The following PARD3B variants were observed in gnomAD, a reference collection of about 807,000 sequenced individuals.
The protein encoded by PARD3B is partitioning defective 3 homolog B.
A neutral mutation model predicts 130.2 loss-of-function variants in PARD3B; 103 were observed. That is an observed-to-expected ratio of 0.79 (90% CI 0.67 to 0.93). The LOEUF is 0.93. Among genes scored for constraint, PARD3B ranks in the 40% least tolerant of loss-of-function variants. The pLI, the probability that PARD3B is intolerant of heterozygous loss-of-function variation, is 0.00. For synonymous variants in PARD3B, 583 were observed against 553.2 expected, an observed-to-expected ratio of 1.05 and a Z score of -0.76; for missense variants, 1,609 against 1,499.2, an observed-to-expected ratio of 1.07 and a Z score of -1.21.
At chr2:204,891,276 T>A (rs576668156) in intron 2 of PARD3B, among the ~76,000 whole-genome samples, 1 of 151,938 alleles carries the variant, frequency 6.6e-6, no homozygotes, top group Admixed American at 6.6e-5. Context: ...AGCATTACGA[T>A]ACTGTGACAA....
At chr2:205,037,291 GTGGACTATTTGTATAAAATATATA>G (rs1367728875) in intron 3 of PARD3B, among the ~76,000 whole-genome samples, 1 of 127,100 alleles carries the variant, frequency 7.9e-6, no homozygotes, top group African/African-American at 3.0e-5. Context: ...TATATATATA[GTGGACTATTTGTATAAAATATATA>G]TAGTGGACTA....
At chr2:204,913,878 G>C (rs1183861554) in intron 2 of PARD3B, among the ~76,000 whole-genome samples, 1 of 152,216 alleles carries the variant, frequency 6.6e-6, no homozygotes, top group Non-Finnish European at 1.5e-5. Flanking sequence ...GGACAGAACT[G>C]TTAGGTGTTT....
intron 18 of PARD3B, among the ~76,000 whole-genome samples, chr2:205,383,193 ATG>A (rs779153298): frequency 9.4e-5 from 14 of 149,262 alleles, no homozygotes; most frequent in Non-Finnish European, 1.2e-4. Flanking sequence ...ATCTATCTGT[ATG>A]CACATTAAAA....
At chr2:205,238,411 G>A (rs1168586031) in intron 15 of PARD3B, among the ~76,000 whole-genome samples, 1 of 151,902 alleles carries the variant, frequency 6.6e-6, no homozygotes, top group African/African-American at 2.4e-5. Context: ...TTTGAGTCCA[G>A]CCAGGGCAAC....
chr2:204,820,569 C>T (rs1017814565), intron 2 of PARD3B, among the ~76,000 whole-genome samples: 2 of 151,560 alleles, frequency 1.3e-5, no homozygotes, highest in East Asian at 2.0e-4. Flanking sequence ...AATCCCAGCA[C>T]TTTGGGGGGC....
chr2:205,157,684 G>A (rs1279998760), intron 10 of PARD3B, among the ~76,000 whole-genome samples: 15 of 152,146 alleles, frequency 9.9e-5, no homozygotes, highest in Non-Finnish European at 1.8e-4. Context: ...TAAGATGGGA[G>A]TCTCTAGATA....
chr2:204,971,834 A>ATTTTTT (rs3038727), intron 3 of PARD3B, among the ~76,000 whole-genome samples: 1 of 131,220 alleles, frequency 7.6e-6, no homozygotes, highest in Non-Finnish European at 1.6e-5. Flanking sequence ...TTTTGTTTTA[A>ATTTTTT]TTTTTTTTTT....
intron 22 of PARD3B, among the ~76,000 whole-genome samples, chr2:205,613,574 T>C (rs1266502452): frequency 6.6e-6 from 1 of 152,242 alleles, no homozygotes; most frequent in Non-Finnish European, 1.5e-5. Flanking sequence ...CCATTTGTCA[T>C]GGGCGATTTA....
intron 4 of PARD3B, among the ~76,000 whole-genome samples, chr2:205,079,508 G>T (rs901791390): frequency 4.6e-5 from 7 of 152,090 alleles, no homozygotes; most frequent in African/African-American, 1.4e-4. Flanking sequence ...AAAAGGCTTC[G>T]CCAATTCCCT....
chr2:204,590,006 T>G (rs2033007426), intron 1 of PARD3B, among the ~76,000 whole-genome samples: 1 of 152,164 alleles, frequency 6.6e-6, no homozygotes. Context: ...ATTTCCCACA[T>G]ATGAAATGGG....
At chr2:205,435,842 T>A (rs1026421650) in intron 19 of PARD3B, among the ~76,000 whole-genome samples, 1 of 152,152 alleles carries the variant, frequency 6.6e-6, no homozygotes, top group Non-Finnish European at 1.5e-5. Flanking sequence ...AGATATTTAG[T>A]CTTAGTTTTA....
intron 18 of PARD3B, among the ~76,000 whole-genome samples, chr2:205,380,296 T>A (rs867493543): frequency 5.2e-5 from 1 of 19,230 alleles, no homozygotes; most frequent in South Asian, 1.7e-3. Context: ...AGAATATATA[T>A]TATATATTAT....
intron 18 of PARD3B, among the ~76,000 whole-genome samples, chr2:205,320,247 G>A (rs995405554): frequency 7.1e-6 from 1 of 141,532 alleles, no homozygotes; most frequent in African/African-American, 3.0e-5. Flanking sequence ...AAGGAATGAA[G>A]GAAGGAAGGA....
At chr2:204,987,857 T>A in intron 3 of PARD3B, among the ~76,000 whole-genome samples, 1 of 152,116 alleles carries the variant, frequency 6.6e-6, no homozygotes, top group Admixed American at 6.5e-5. Flanking sequence ...CATTAGCTTT[T>A]TGGGGGGAAT....
intron 15 of PARD3B, among the ~76,000 whole-genome samples, chr2:205,228,312 T>C (rs1043002073): frequency 6.6e-6 from 1 of 151,918 alleles, no homozygotes; most frequent in East Asian, 1.9e-4. Context: ...ATCCCTCAGG[T>C]TTTGTTTGGG....
chr2:205,533,759 T>C (rs2051708930), intron 21 of PARD3B, among the ~76,000 whole-genome samples: 1 of 152,170 alleles, frequency 6.6e-6, no homozygotes, highest in Admixed American at 6.5e-5. Flanking sequence ...AGACAGGGTC[T>C]TGCTTTGTCA....
At position 205,364,522 on chromosome 2, in the gene PARD3B, T is replaced by G. The variant is rs537419716; in HGVS notation, c.2631-36491T>G. ...GCCTGGGCTGGTAATCTCCCAGGCTTTAATCCTCTCCATCTTTTATTTGTG... is the reference window on the plus strand; with the variant it reads ...GCCTGGGCTGGTAATCTCCCAGGCTGTAATCCTCTCCATCTTTTATTTGTG... On this transcript the variant is annotated intron_variant, in intron 18 of 22. Transcript: ENST00000406610. Among the ~76,000 whole-genome samples the G allele has an allele frequency of 2.6e-5, 4 of 152,352 alleles. No homozygotes were observed. In the East Asian group the frequency reaches 5.8e-4, roughly 22 times the overall value.
intron 2 of PARD3B, among the ~76,000 whole-genome samples, chr2:204,924,219 A>G (rs1687410889): frequency 6.6e-6 from 1 of 151,988 alleles, no homozygotes. Flanking sequence ...AAAAGGAGAA[A>G]GGTTACCCAA....
At chr2:205,037,677 CTATATA>C (rs67377114) in intron 3 of PARD3B, among the ~76,000 whole-genome samples, 1 of 148,560 alleles carries the variant, frequency 6.7e-6, no homozygotes, top group Non-Finnish European at 1.5e-5. Flanking sequence ...ATATAGTGGA[CTATATA>C]TATATATGAT....
Sources: gnomAD v4.1 joint callset for allele counts (sites outside exome capture counted in the v4.1 genomes callset) on GRCh38, gnomAD v4.1.1 for gene constraint, MANE v1.5 for transcripts, NCBI Gene and HGNC (gene_info 2026-07-23, HGNC 2026-07-21) for gene names.